PI4KB: variants seen among roughly 807,000 people sequenced by gnomAD.
PI4KB encodes phosphatidylinositol 4-kinase beta.
PI4KB carries 23 observed loss-of-function variants against 81.4 expected under a neutral mutation model. The ratio of observed to expected loss-of-function variants is 0.28; its 90% CI spans 0.20 to 0.40. The LOEUF is 0.40. PI4KB is among the 10% of genes least tolerant of loss of function. PI4KB has a pLI of 1.00. For synonymous variants in PI4KB, 381 were observed against 406.8 expected, an observed-to-expected ratio of 0.94 and a Z score of 0.76; for missense variants, 651 against 1,036.6, an observed-to-expected ratio of 0.63 and a Z score of 5.11.
In PI4KB at chr1:151,292,329, C is replaced by G. The variant is rs998500908; in HGVS notation, c.*523G>C. 6.4e-6 allele frequency: 1 copy of G among 156,514 alleles called. No individual in the cohort carries two copies. Among genetic ancestry groups the G allele is most frequent in the Non-Finnish European group, 1.4e-5 (1 of 70,792 alleles). 9.7% of individuals were successfully genotyped at this position (156,514 alleles called of 1,614,324 possible). ...GCAAGTGCAGGGCCCACGCAGCGCC[C>G]GCCAGCAAGGGGAGCTTGGGCCAGG... is the stretch of plus-strand genomic sequence containing the variant. On this transcript the variant is annotated 3_prime_UTR_variant, in exon 12 of 12. Transcript: ENST00000368873.
At chr1:151,294,260 G>A in intron 10 of PI4KB, 122 bp from the exon 11 acceptor site, 1 of 1,472,684 alleles carries the variant, frequency 6.8e-7, no homozygotes, top group South Asian at 1.3e-5. Flanking sequence ...CTTCCTTATT[G>A]GGCAGGAAGC....
At chr1:151,293,419 C>T in intron 11 of PI4KB, 1 of 1,271,202 alleles carries the variant, frequency 7.9e-7, no homozygotes, top group Admixed American at 2.7e-5. Context: ...GGGCCACCGT[C>T]ATCATGGGGC....
intron 1 of PI4KB, chr1:151,326,105 G>T: frequency 7.2e-7 from 1 of 1,394,778 alleles, no homozygotes; most frequent in South Asian, 1.2e-5. Flanking sequence ...GGGGTGAGAA[G>T]GCACTCTATT....
In PI4KB at chr1:151,316,512, A is replaced by G; in HGVS notation, c.-28-3T>C. ...CAGCCAGACTTCGAGCTTCCAAGCT[A>G]CAGGAAGAGGGAGGGAGAAAAGAAC... On this transcript the variant is annotated splice_polypyrimidine_tract_variant and splice_region_variant and intron_variant, in intron 1 of 11. Transcript: ENST00000368873. 6.6e-7 allele frequency: 1 copy of G among 1,508,870 alleles called. No homozygotes were observed. Among genetic ancestry groups the G allele is most frequent in the South Asian group, 1.4e-5 (1 of 73,784 alleles). The allele number at this position is 1,508,870 out of a possible 1,614,324, so 93.5% of individuals were successfully genotyped here.
chr1:151,303,508 T>A, intron 6 of PI4KB, 33 bp downstream of exon 6: 1 of 1,288,856 alleles, frequency 7.8e-7, no homozygotes, highest in Non-Finnish European at 1.1e-6. Flanking sequence ...GAAAGAGGGA[T>A]GAAAAATGAG....
At chr1:151,305,185 C>T (rs1390699370) in intron 5 of PI4KB, among the ~76,000 whole-genome samples, 1 of 152,168 alleles carries the variant, frequency 6.6e-6, no homozygotes, top group South Asian at 2.1e-4. Context: ...AGGCTGGTCT[C>T]GAAATCCTGA....
At chr1:151,313,235 A>G (rs1647384300) in intron 2 of PI4KB, among the ~76,000 whole-genome samples, 1 of 152,218 alleles carries the variant, frequency 6.6e-6, no homozygotes, top group Admixed American at 6.5e-5. Flanking sequence ...TCAGTATCAG[A>G]TAACGCAGGA....
At chr1:151,321,859 T>G (rs1571224923) in intron 1 of PI4KB, among the ~76,000 whole-genome samples, 2 of 120,052 alleles carry the variant, frequency 1.7e-5, no homozygotes, top group Admixed American at 9.8e-5. Context: ...GGCGACAGAG[T>G]GAGACTCTGT....
intron 1 of PI4KB, among the ~76,000 whole-genome samples, chr1:151,320,529 G>A (rs973216012): frequency 6.6e-6 from 1 of 152,172 alleles, no homozygotes; most frequent in East Asian, 1.9e-4. Flanking sequence ...TGCAGATTGA[G>A]CTTGGTATTG....
intron 1 of PI4KB, among the ~76,000 whole-genome samples, chr1:151,320,519 T>C (rs1336562175): frequency 6.6e-6 from 1 of 152,250 alleles, no homozygotes; most frequent in Non-Finnish European, 1.5e-5. Flanking sequence ...ATATCCCTGA[T>C]GCAGATTGAG....
chr1:151,310,181 G>A, intron 3 of PI4KB, 30 bp downstream of exon 3: 1 of 1,570,912 alleles, frequency 6.4e-7, no homozygotes, highest in Non-Finnish European at 8.7e-7. Context: ...GGGGGAGCCT[G>A]CCACCCCGTC....
chr1:151,320,458 A>T (rs1203085990), intron 1 of PI4KB, among the ~76,000 whole-genome samples: 1 of 152,180 alleles, frequency 6.6e-6, no homozygotes, highest in Non-Finnish European at 1.5e-5. Context: ...AAAAAAGGCT[A>T]TTTCTGTTTC....
chr1:151,310,010 C>A (rs1383497779), intron 3 of PI4KB, among the ~76,000 whole-genome samples: 1 of 152,140 alleles, frequency 6.6e-6, no homozygotes, highest in Non-Finnish European at 1.5e-5. Flanking sequence ...CTCATCTCAG[C>A]CTGGGCTCAG....
chr1:151,302,361 A>C (rs587708547), intron 6 of PI4KB, 63 bp from the exon 7 acceptor site: 1 of 1,125,162 alleles, frequency 8.9e-7, no homozygotes, highest in Non-Finnish European at 1.4e-6. Flanking sequence ...TGCCCAGTCT[A>C]TACTGACATT....
chr1:151,319,746 T>C (rs768429489), intron 1 of PI4KB, among the ~76,000 whole-genome samples: 28 of 152,326 alleles, frequency 1.8e-4, no homozygotes, highest in Non-Finnish European at 3.2e-4. Flanking sequence ...CTCCAGAATC[T>C]GACTATAGCT....
chr1:151,304,157 A>G (rs990570235), intron 5 of PI4KB, among the ~76,000 whole-genome samples: 1 of 152,166 alleles, frequency 6.6e-6, no homozygotes, highest in African/African-American at 2.4e-5. Flanking sequence ...CCAGACCCCA[A>G]GGCCCATGTC....
At chr1:151,308,473 AG>A (rs1695966357) in intron 3 of PI4KB, among the ~76,000 whole-genome samples, 1 of 152,214 alleles carries the variant, frequency 6.6e-6, no homozygotes, top group African/African-American at 2.4e-5. Flanking sequence ...AGATGGAAGG[AG>A]GTAGGTAGAT....
At chr1:151,302,071 C>T in intron 7 of PI4KB, 104 bp from the exon 8 acceptor site, 1 of 1,585,400 alleles carries the variant, frequency 6.3e-7, no homozygotes, top group Non-Finnish European at 8.6e-7. Flanking sequence ...AGGGCAAGGA[C>T]CCAGACAGCC....
intron 2 of PI4KB, among the ~76,000 whole-genome samples, chr1:151,314,280 T>C (rs1647572234): frequency 6.6e-6 from 1 of 152,158 alleles, no homozygotes. Flanking sequence ...AAATTCCTCC[T>C]TTTTTTCTCC....
Sources: allele counts gnomAD v4.1 joint callset (sites outside exome capture counted in the v4.1 genomes callset), GRCh38; gene constraint gnomAD v4.1.1; transcripts MANE v1.5; gene names NCBI Gene and HGNC (gene_info 2026-07-23, HGNC 2026-07-21).